Variants in RPS6KC1 observed in about 807,000 individuals in gnomAD.
RPS6KC1 encodes ribosomal protein S6 kinase C1.
Under a neutral mutation model 103.8 loss-of-function variants are expected in RPS6KC1, and 54 were observed. That is an observed-to-expected ratio of 0.52 (90% CI 0.42 to 0.65). The LOEUF is 0.65. Among genes scored for constraint, RPS6KC1 ranks in the 30% least tolerant of loss-of-function variants. RPS6KC1 has a pLI of 0.00. For missense variants in RPS6KC1, 1,151 were observed against 1,253.8 expected (o/e 0.92, Z 1.24); for synonymous variants, 439 against 438.7 (o/e 1.00, Z -0.01).
intron 6 of RPS6KC1, among the ~76,000 whole-genome samples, chr1:213,161,463 G>A (rs1365758592): frequency 6.6e-6 from 1 of 152,100 alleles, no homozygotes; most frequent in Non-Finnish European, 1.5e-5. Context: ...TGGGATTACA[G>A]GTGTGCACCA....
the RPS6KC1 span, among the ~76,000 whole-genome samples, chr1:213,854,558 TTCTTTCTC>T: frequency 0.014 from 1,556 of 111,492 alleles, 17 homozygotes; most frequent in Admixed American, 0.044. Flanking sequence ...CTTTCTTTCT[TTCTTTCTC>T]TCTCTCTCTC....
intron 4 of RPS6KC1, among the ~76,000 whole-genome samples, chr1:213,112,058 C>T (rs2083077843): frequency 6.6e-6 from 1 of 151,958 alleles, no homozygotes; most frequent in Admixed American, 6.6e-5. Flanking sequence ...AATTTCTGTT[C>T]CTTAAAAACA....
the RPS6KC1 span, among the ~76,000 whole-genome samples, chr1:213,823,598 C>G: frequency 6.6e-6 from 1 of 152,084 alleles, no homozygotes; most frequent in Non-Finnish European, 1.5e-5. Context: ...TAACCACTAC[C>G]TCCTCTTCCC....
chr1:213,459,140 C>T, the RPS6KC1 span, among the ~76,000 whole-genome samples: 1 of 152,264 alleles, frequency 6.6e-6, no homozygotes. Flanking sequence ...AGGGAGGAGT[C>T]TCTCTTTTTC....
chr1:213,062,394 C>T (rs1460327768), intron 1 of RPS6KC1, among the ~76,000 whole-genome samples: 1 of 152,058 alleles, frequency 6.6e-6, no homozygotes, highest in Non-Finnish European at 1.5e-5. Context: ...AAAAAAAATA[C>T]AAAATCTGAA....
the RPS6KC1 span, among the ~76,000 whole-genome samples, chr1:213,388,802 A>G: frequency 6.6e-6 from 1 of 152,230 alleles, no homozygotes; most frequent in Admixed American, 6.5e-5. Context: ...GGCCTGTAAG[A>G]TGATGACCGC....
the RPS6KC1 span, among the ~76,000 whole-genome samples, chr1:213,665,646 A>C: frequency 6.6e-6 from 1 of 152,326 alleles, no homozygotes; most frequent in East Asian, 1.9e-4. Context: ...AAAATACAAA[A>C]AATACATGAG....
the RPS6KC1 span, among the ~76,000 whole-genome samples, chr1:213,636,300 C>T: frequency 1.3e-5 from 2 of 152,132 alleles, no homozygotes; most frequent in African/African-American, 2.4e-5. Context: ...AAAAAGAGCC[C>T]TCATTGCCAA....
chr1:213,799,919 A>T, the RPS6KC1 span, among the ~76,000 whole-genome samples: 1 of 152,154 alleles, frequency 6.6e-6, no homozygotes, highest in African/African-American at 2.4e-5. Flanking sequence ...GAATTAAGGT[A>T]CCAGCATGTC....
At chr1:213,289,773 C>G in the RPS6KC1 span, among the ~76,000 whole-genome samples, 1 of 152,182 alleles carries the variant, frequency 6.6e-6, no homozygotes, top group Non-Finnish European at 1.5e-5. Flanking sequence ...GGTGCAGTGG[C>G]TCATGCCTGT....
chr1:213,328,503 A>AATATATATAT, the RPS6KC1 span, among the ~76,000 whole-genome samples: 82 of 31,786 alleles, frequency 2.6e-3, no homozygotes, highest in African/African-American at 4.6e-3. Context: ...CAGCCATTAT[A>AATATATATAT]CTATATATAT....
At chr1:213,501,559 T>A in the RPS6KC1 span, among the ~76,000 whole-genome samples, 1 of 151,980 alleles carries the variant, frequency 6.6e-6, no homozygotes, top group Non-Finnish European at 1.5e-5. Context: ...GCAAACATGG[T>A]GAAACCCCAT....
chr1:213,237,023 T>C (rs1226591859), intron 10 of RPS6KC1, among the ~76,000 whole-genome samples: 1 of 152,140 alleles, frequency 6.6e-6, no homozygotes, highest in African/African-American at 2.4e-5. Flanking sequence ...TAATTATATA[T>C]CTTCCAATAA....
the RPS6KC1 span, among the ~76,000 whole-genome samples, chr1:213,488,696 T>C: frequency 6.6e-6 from 1 of 152,238 alleles, no homozygotes; most frequent in African/African-American, 2.4e-5. Context: ...TTTCATTTCC[T>C]GCAAAACTGC....
chr1:213,109,788 T>A (rs2082838706), intron 4 of RPS6KC1, among the ~76,000 whole-genome samples: 2 of 152,134 alleles, frequency 1.3e-5, no homozygotes, highest in South Asian at 4.1e-4. Flanking sequence ...ACAGGTATTT[T>A]TGTTTCTCGT....
At chr1:213,619,216 A>G in the RPS6KC1 span, among the ~76,000 whole-genome samples, 1 of 152,216 alleles carries the variant, frequency 6.6e-6, no homozygotes. Flanking sequence ...CATGATCACA[A>G]GACAGCTGCA....
intron 8 of RPS6KC1, among the ~76,000 whole-genome samples, chr1:213,217,803 C>T (rs2093708091): frequency 6.6e-6 from 1 of 152,126 alleles, no homozygotes; most frequent in Non-Finnish European, 1.5e-5. Flanking sequence ...GCAGAAAAGG[C>T]CTTTGACAAA....
intron 6 of RPS6KC1, among the ~76,000 whole-genome samples, chr1:213,153,975 C>CA (rs1327946040): frequency 6.6e-6 from 1 of 152,214 alleles, no homozygotes; most frequent in African/African-American, 2.4e-5. Flanking sequence ...GGGCTCACCA[C>CA]AAGCCTGGTA....
the RPS6KC1 span, among the ~76,000 whole-genome samples, chr1:213,834,681 G>T: frequency 1.3e-5 from 2 of 151,066 alleles, no homozygotes; most frequent in African/African-American, 2.4e-5. Flanking sequence ...CCTCCATAGA[G>T]CCCTTCTCAA....
Sources: allele counts gnomAD v4.1 joint callset (sites outside exome capture counted in the v4.1 genomes callset), GRCh38; gene constraint gnomAD v4.1.1; transcripts MANE v1.5; gene names NCBI Gene and HGNC (gene_info 2026-07-23, HGNC 2026-07-21).